CHEK1: variants seen among roughly 807,000 people sequenced by gnomAD.
CHEK1 encodes the protein serine/threonine-protein kinase Chk1.
Under a neutral mutation model 60.2 loss-of-function variants are expected in CHEK1, and 32 were observed. The observed-to-expected ratio is 0.53, with a 90% CI of 0.40 to 0.71. CHEK1 has a LOEUF of 0.71. Among genes scored for constraint, CHEK1 ranks in the 30% least tolerant of loss-of-function variants. The probability of loss-of-function intolerance (pLI) is 0.00; values close to 1 mark genes in which losing one functional copy is unlikely to be tolerated. For missense variants in CHEK1, 399 were observed against 564.6 expected (o/e 0.71, Z 2.97); for synonymous variants, 179 against 187.2 (o/e 0.96, Z 0.36).
At chr11:125,626,397 C>T in intron 1 of CHEK1, 1 of 430,074 alleles carries the variant, frequency 2.3e-6, no homozygotes, top group Non-Finnish European at 4.2e-6. Flanking sequence ...CTCCCTATAT[C>T]CTCTTCCTCT....
downstream of CHEK1, chr11:125,680,692 CT>C (rs1466121177): frequency 6.3e-7 from 1 of 1,593,194 alleles, no homozygotes; most frequent in Admixed American, 1.7e-5. Flanking sequence ...AGGGAGACCC[CT>C]TTTGTATTTA....
At chr11:125,636,336 A>C (rs993833914) in intron 7 of CHEK1, among the ~76,000 whole-genome samples, 1 of 151,212 alleles carries the variant, frequency 6.6e-6, no homozygotes, top group African/African-American at 2.4e-5. Context: ...TGCCATGTGG[A>C]TATGCCTTAC....
rs539323916 is a variant in CHEK1 at position 125,644,188 on chromosome 11, G to A, written c.1021G>A (p.Gly341Arg). Residue 341 changes from glycine to arginine, a missense_variant, in exon 10 of 13, where the codon GGG (glycine) becomes AGG (arginine). By Grantham distance (125) the Gly-to-Arg change is moderately radical. Transcript: ENST00000438015. ...SPSYIDKLVQ[G>R]ISFSQPTCPD... ...CTCATACATTGATAAATTGGTACAA[G>A]GGATCAGCTTTTCCCAGCCCACATG... The A allele has an allele frequency of 3.7e-6, 6 of 1,614,112 alleles. No individual in the cohort carries two copies. Among genetic ancestry groups the A allele is most frequent in the South Asian group, 1.1e-5 (1 of 91,086 alleles).
At chr11:125,660,050 G>A (rs115007535), downstream of CHEK1, among the ~76,000 whole-genome samples, 999 of 152,234 alleles carry the variant, frequency 6.6e-3, 13 homozygotes, top group African/African-American at 0.022. Flanking sequence ...AATAATTTTC[G>A]TGTGCGTGTG....
At chr11:125,658,711 T>A (rs1005020617), downstream of CHEK1, among the ~76,000 whole-genome samples, 13 of 73,480 alleles carry the variant, frequency 1.8e-4, no homozygotes, top group South Asian at 5.2e-4. Context: ...TTTTTTTTTT[T>A]AAGAGTCTTG....
At chr11:125,679,216 C>CTTTTTTTTTTTTTTTTTTTTTTTTT (rs71045115), downstream of CHEK1, among the ~76,000 whole-genome samples, 46 of 121,044 alleles carry the variant, frequency 3.8e-4, 2 homozygotes, top group African/African-American at 1.4e-3. Context: ...CCGTCTCTTT[C>CTTTTTTTTTTTTTTTTTTTTTTTTT]TTTTTTTTTT....
chr11:125,662,257 C>A (rs557603213), intron 13 of CHEK1, among the ~76,000 whole-genome samples: 1 of 152,280 alleles, frequency 6.6e-6, no homozygotes, highest in Admixed American at 6.5e-5. Context: ...GGCCTCTTCC[C>A]CATAGATGTC....
chr11:125,646,199 C>T (rs886511138), intron 11 of CHEK1, among the ~76,000 whole-genome samples: 1 of 152,016 alleles, frequency 6.6e-6, no homozygotes, highest in African/African-American at 2.4e-5. Context: ...TTAGGGATTG[C>T]CTTTTTGGAC....
chr11:125,626,223 C>G, intron 1 of CHEK1: 1 of 580,876 alleles, frequency 1.7e-6, no homozygotes, highest in East Asian at 2.8e-5. Flanking sequence ...TAACCCGCTG[C>G]TAGCTAAGAA....
Position 125,655,208 on chromosome 11 carries a change from T to G in CHEK1, c.1336-17T>G. The G allele has an allele frequency of 6.3e-7, 1 of 1,577,686 alleles. No homozygotes were observed. Among genetic ancestry groups the G allele is most frequent in the South Asian group, 1.1e-5 (1 of 88,140 alleles). On this transcript the variant is annotated splice_polypyrimidine_tract_variant and intron_variant, in intron 12 of 12. Transcript: ENST00000438015. ...TTTTTGTTTTGACATAATTTTTTAATACTATTTCTAATATAGGGTGATGGA... is the reference window on the plus strand; with the variant it reads ...TTTTTGTTTTGACATAATTTTTTAAGACTATTTCTAATATAGGGTGATGGA...
chr11:125,677,703 C>A (rs1942577540), downstream of CHEK1: 3 of 1,515,692 alleles, frequency 2.0e-6, no homozygotes, highest in South Asian at 3.8e-5. Flanking sequence ...ACAATTCTTT[C>A]TTCTGCACTC....
chr11:125,674,147 A>G (rs1942363249), intron 13 of CHEK1, among the ~76,000 whole-genome samples: 1 of 152,224 alleles, frequency 6.6e-6, no homozygotes, highest in South Asian at 2.1e-4. Context: ...TCTCAAAAAA[A>G]AAATTAACGG....
At chr11:125,681,039 T>G, downstream of CHEK1, 1 of 300,756 alleles carries the variant, frequency 3.3e-6, no homozygotes, top group Non-Finnish European at 6.0e-6. The surrounding 1 kb of genome is among the most constrained non-coding windows in gnomAD (Gnocchi z 4.2). Context: ...CAGGGTAGTG[T>G]GTTGGGGCTA....
chr11:125,636,665 T>C, intron 7 of CHEK1, among the ~76,000 whole-genome samples: 1 of 152,072 alleles, frequency 6.6e-6, no homozygotes. Flanking sequence ...GTATTAGTTT[T>C]TTGTCTATTT....
rs1168501117 is a variant in CHEK1, at chr11:125,653,477, AGGCGTGAGCCACAGTGCCT to A, written c.1234-265_1234-247del. 6.6e-6 allele frequency among the ~76,000 whole-genome samples: 1 copy of A among 152,238 alleles called. No individual in the cohort carries two copies. Among genetic ancestry groups the A allele is most frequent in the Non-Finnish European group, 1.5e-5 (1 of 68,048 alleles). On this transcript the variant is annotated intron_variant, in intron 11 of 12. Transcript: ENST00000438015. This position sits in a 1 kb window ranked among gnomAD's most constrained non-coding sequence, Gnocchi z 4.3. ...TTGGCCTCCCAAAGTGCTGGATTACAGGCGTGAGCCACAGTGCCTGGCCTACACTCATCTGTTGTTGGAT... is the reference window on the plus strand; with the variant it reads ...TTGGCCTCCCAAAGTGCTGGATTACAGGCCTACACTCATCTGTTGTTGGAT...
At chr11:125,629,107 T>C (rs1276681186) in intron 3 of CHEK1, 125 bp from the exon 4 acceptor site, 2 of 856,982 alleles carry the variant, frequency 2.3e-6, no homozygotes, top group Admixed American at 4.5e-5. Flanking sequence ...CTCCTGAATC[T>C]TTTGTTGGCA....
intron 13 of CHEK1, among the ~76,000 whole-genome samples, chr11:125,664,876 A>G (rs575738733): frequency 1.8e-4 from 27 of 152,148 alleles, no homozygotes; most frequent in Admixed American, 3.9e-4. Context: ...GTGTTTTCCA[A>G]ATGTTTTCTT....
chr11:125,644,853 A>G (rs1343400567), intron 11 of CHEK1, among the ~76,000 whole-genome samples: 1 of 152,082 alleles, frequency 6.6e-6, no homozygotes, highest in Non-Finnish European at 1.5e-5. Context: ...TACTAAAAGC[A>G]CAAAAATTAG....
chr11:125,631,197 T>G (rs2135983657), intron 5 of CHEK1, among the ~76,000 whole-genome samples: 1 of 152,272 alleles, frequency 6.6e-6, no homozygotes, highest in Admixed American at 6.5e-5. Flanking sequence ...AGAGCATTGT[T>G]TTTCTAAAGT....
Sources: allele counts gnomAD v4.1 joint callset (sites outside exome capture counted in the v4.1 genomes callset), GRCh38; gene constraint gnomAD v4.1.1; non-coding constraint Gnocchi (gnomAD v3.1); transcripts MANE v1.5; gene names NCBI Gene and HGNC (gene_info 2026-07-23, HGNC 2026-07-21).